KIAA0586: variants seen among roughly 807,000 people sequenced by gnomAD.
KIAA0586 encodes KIAA0586.
In KIAA0586, 144 loss-of-function variants were observed where a neutral mutation model predicts 169.8. The ratio of observed to expected loss-of-function variants is 0.85; its 90% CI spans 0.74 to 0.97. KIAA0586 has a LOEUF of 0.97. Ranked by LOEUF, KIAA0586 falls within the 50% of genes least tolerant of loss-of-function variation. KIAA0586 has a pLI of 0.00. For synonymous variants in KIAA0586, 625 were observed against 612.4 expected (o/e 1.02, Z -0.30); for missense variants, 1,854 against 1,823.0 (o/e 1.02, Z -0.31).
At chr14:58,443,221 G>A (rs557959391) in intron 5 of KIAA0586, among the ~76,000 whole-genome samples, 8 of 152,300 alleles carry the variant, frequency 5.3e-5, no homozygotes, top group Middle Eastern at 3.4e-3. Context: ...CTTAGCTGTC[G>A]CTTTGTAAAT....
intron 18 of KIAA0586, among the ~76,000 whole-genome samples, chr14:58,472,626 A>T (rs1468812310): frequency 2.0e-5 from 3 of 151,472 alleles, no homozygotes; most frequent in Admixed American, 1.3e-4. Context: ...TGGTGAGGTG[A>T]CTAGTTAATT....
At position 58,453,413 on chromosome 14, in the gene KIAA0586, C is replaced by A; in HGVS notation, c.1193C>A (p.Ser398Ter). 6.7e-7 allele frequency: 1 copy of A among 1,496,686 alleles called. No individual in the cohort carries two copies. The highest frequency in any genetic ancestry group is 1.4e-5 in the African/African-American group (1 of 71,060). The allele number at this position is 1,496,686 out of a possible 1,614,324, so 92.7% of individuals were successfully genotyped here. ...GATTCTTTGACAAGAAAAAGTGAAT[C>A]ATCAAACACCACCTCACTAACTAGG... is the stretch of plus-strand genomic sequence containing the variant. ...NNDSLTRKSESSNTTSLTRSK... is the reference protein window; with the variant it reads ...NNDSLTRKSE Residue 398 changes from serine (S) to a stop codon, truncating the protein, a stop_gained, in exon 9 of 31, where the codon TCA (serine) becomes TAA (stop). Transcript: ENST00000652326. LOFTEE classifies it high-confidence loss of function.
chr14:58,489,000 G>T, intron 24 of KIAA0586, 126 bp downstream of exon 24: 3 of 924,128 alleles, frequency 3.2e-6, no homozygotes, highest in African/African-American at 3.3e-5. Flanking sequence ...AAAGAATAGG[G>T]GACTCAATGC....
At chr14:58,430,743 A>T in intron 3 of KIAA0586, 26 bp downstream of exon 3, 2 of 1,333,894 alleles carry the variant, frequency 1.5e-6, no homozygotes, top group African/African-American at 1.5e-5. Context: ...TGATTTTTTT[A>T]AATTGTGACA....
intron 29 of KIAA0586, among the ~76,000 whole-genome samples, chr14:58,523,866 A>C (rs938188123): frequency 6.6e-6 from 1 of 151,970 alleles, no homozygotes; most frequent in Admixed American, 6.6e-5. Context: ...TCCTGGCCTC[A>C]GTATTATTTT....
chr14:58,477,282 A>G, intron 20 of KIAA0586, 41 bp downstream of exon 20: 2 of 1,065,928 alleles, frequency 1.9e-6, no homozygotes, highest in Non-Finnish European at 2.8e-6. Flanking sequence ...ATTAAAAGAC[A>G]AAAGCTTTAG....
chr14:58,539,824 C>T (rs1595539089), intron 29 of KIAA0586: 2 of 237,160 alleles, frequency 8.4e-6, no homozygotes, highest in African/African-American at 2.5e-5. Flanking sequence ...CCCTTTGCTT[C>T]CCCCCCCCAT....
In KIAA0586 at chr14:58,467,890, GA is replaced by G; in HGVS notation, c.2417del (p.Lys806ArgfsTer14). The G allele has an allele frequency of 1.2e-6, 2 of 1,610,426 alleles. No homozygotes were observed. Among genetic ancestry groups the G allele is most frequent in the South Asian group, 1.1e-5 (1 of 90,540 alleles). ...CATAGCCATTGTAGAAATGAAGTCAGAAAAAAAGGATCCTCCTCAGCTTACT... is the reference window on the plus strand; with the variant it reads ...CATAGCCATTGTAGAAATGAAGTCAGAAAAAAGGATCCTCCTCAGCTTACT... ...PNIAIVEMKS[E>X]KKDPPQLTVQ... On this transcript the variant is annotated frameshift_variant, in exon 16 of 31. Coordinates refer to ENST00000652326, the MANE Select transcript of KIAA0586 (RefSeq NM_001329943.3). LOFTEE classifies it high-confidence loss of function.
intron 29 of KIAA0586, among the ~76,000 whole-genome samples, chr14:58,513,891 A>G (rs2044567761): frequency 6.6e-6 from 1 of 152,078 alleles, no homozygotes; most frequent in Admixed American, 6.6e-5. Flanking sequence ...GCTGATAGGA[A>G]AATGTCTCTG....
At chr14:58,498,067 C>T (rs756043433) in intron 26 of KIAA0586, among the ~76,000 whole-genome samples, 1 of 151,696 alleles carries the variant, frequency 6.6e-6, no homozygotes, top group Non-Finnish European at 1.5e-5. Flanking sequence ...TTAGTACAGA[C>T]GGGGTTTCAC....
intron 19 of KIAA0586, 97 bp downstream of exon 19, chr14:58,474,894 G>A: frequency 1.1e-6 from 1 of 941,052 alleles, no homozygotes; most frequent in Non-Finnish European, 1.5e-6. Context: ...GTCTTCTTTT[G>A]TTTATTAAAC....
intron 19 of KIAA0586, among the ~76,000 whole-genome samples, chr14:58,476,885 C>T (rs1186416401): frequency 2.0e-5 from 3 of 152,078 alleles, no homozygotes; most frequent in South Asian, 2.1e-4. Context: ...TCTTGAACTC[C>T]TGAGCTCAAG....
At chr14:58,493,419 C>T (rs1257018097) in intron 26 of KIAA0586, among the ~76,000 whole-genome samples, 1 of 152,096 alleles carries the variant, frequency 6.6e-6, no homozygotes, top group Non-Finnish European at 1.5e-5. Flanking sequence ...GTCATTCAGA[C>T]TGGTTAATGA....
At chr14:58,541,605 G>A (rs1455609544) in intron 30 of KIAA0586, among the ~76,000 whole-genome samples, 2 of 152,088 alleles carry the variant, frequency 1.3e-5, no homozygotes, top group Admixed American at 6.6e-5. Flanking sequence ...CCTACCATTC[G>A]TTACATAACT....
At chr14:58,470,491 G>T in intron 16 of KIAA0586, 122 bp from the exon 17 acceptor site, 1 of 403,538 alleles carries the variant, frequency 2.5e-6, no homozygotes, top group Non-Finnish European at 4.3e-6. Context: ...AAACTTAAAG[G>T]GCATGCTTTG....
intron 29 of KIAA0586, chr14:58,536,992 A>G: frequency 7.9e-7 from 1 of 1,267,454 alleles, no homozygotes; most frequent in African/African-American, 1.5e-5. Flanking sequence ...TACCAGTATT[A>G]TGTTTTTTTT....
At chr14:58,489,379 C>A (rs191006900) in intron 24 of KIAA0586, among the ~76,000 whole-genome samples, 1 of 151,984 alleles carries the variant, frequency 6.6e-6, no homozygotes, top group East Asian at 1.9e-4. Flanking sequence ...GCCACCACGC[C>A]CGGCTAACTT....
chr14:58,429,696 C>A (rs1386150147), intron 2 of KIAA0586, among the ~76,000 whole-genome samples: 1 of 152,100 alleles, frequency 6.6e-6, no homozygotes, highest in East Asian at 1.9e-4. Flanking sequence ...AACTCTCTTA[C>A]TATTCAGGGA....
intron 30 of KIAA0586, among the ~76,000 whole-genome samples, chr14:58,541,018 A>C (rs1412462362): frequency 3.3e-5 from 5 of 152,226 alleles, no homozygotes; most frequent in African/African-American, 9.6e-5. Context: ...GGTGTACAGG[A>C]AAAATGCTTC....
Sources: gnomAD v4.1 joint callset for allele counts (sites outside exome capture counted in the v4.1 genomes callset) on GRCh38, gnomAD v4.1.1 for gene constraint, MANE v1.5 for transcripts, NCBI Gene and HGNC (gene_info 2026-07-23, HGNC 2026-07-21) for gene names.